Variants in TMEM63B observed in about 807,000 individuals in gnomAD.
TMEM63B encodes the protein mechanosensitive cation channel TMEM63B.
A neutral mutation model predicts 102.6 loss-of-function variants in TMEM63B; 23 were observed. The observed-to-expected ratio is 0.22, with a 90% CI of 0.16 to 0.32. The LOEUF is 0.32. Among genes scored for constraint, TMEM63B ranks in the 10% least tolerant of loss-of-function variants. TMEM63B has a pLI of 1.00. For synonymous variants in TMEM63B, 444 were observed against 437.0 expected (o/e 1.02, Z -0.20); for missense variants, 628 against 1,095.9 (o/e 0.57, Z 6.03).
At chr6:44,130,680 G>C (rs1231040924) in intron 1 of TMEM63B, among the ~76,000 whole-genome samples, 1 of 151,286 alleles carries the variant, frequency 6.6e-6, no homozygotes, top group African/African-American at 2.4e-5. Flanking sequence ...CGAACTCCTG[G>C]GCTGACGTGA....
chr6:44,134,913 T>A, intron 2 of TMEM63B, 104 bp from the exon 3 acceptor site: 6 of 1,507,790 alleles, frequency 4.0e-6, no homozygotes, highest in Non-Finnish European at 5.5e-6. Context: ...CAAGCCAGGG[T>A]CATCCCCTTC....
At chr6:44,138,743 C>CCCCT (rs916985501) in intron 6 of TMEM63B, 7 of 401,116 alleles carry the variant, frequency 1.7e-5, no homozygotes, top group Admixed American at 3.7e-5. Context: ...CCGGCCCCCC[C>CCCCT]GCTTCTCTCC....
intron 12 of TMEM63B, 69 bp downstream of exon 12, chr6:44,147,569 T>G: frequency 6.4e-7 from 1 of 1,573,520 alleles, no homozygotes; most frequent in Non-Finnish European, 8.6e-7. Flanking sequence ...GCTGGGGCCC[T>G]GCCCTCAGTG....
In TMEM63B at chr6:44,135,898, G is replaced by A. The variant is rs528096590; in HGVS notation, c.279-451G>A. ...GGAGTCAGGGAAGAGGGAGGGGAGC[G>A]GAGGGTAGGGTCCCACCCAGGAGAC... is the stretch of plus-strand genomic sequence containing the variant. On this transcript the variant is annotated intron_variant, in intron 4 of 23. Coordinates refer to ENST00000323267, the MANE Select transcript of TMEM63B (RefSeq NM_018426.3). Among the ~76,000 whole-genome samples, 26 of 152,254 alleles carry A rather than the reference G, an allele frequency of 1.7e-4. 1 individual carries two copies. The South Asian group carries it at 3.5e-3, about 21-fold the overall frequency.
At chr6:44,151,751 G>T in intron 18 of TMEM63B, 95 bp from the exon 19 acceptor site, 2 of 1,387,140 alleles carry the variant, frequency 1.4e-6, no homozygotes, top group Non-Finnish European at 2.0e-6. Context: ...GAAGCATGTT[G>T]GTGGTGGAGG....
intron 6 of TMEM63B, chr6:44,138,985 C>T (rs1188607495): frequency 8.1e-6 from 2 of 246,640 alleles, no homozygotes; most frequent in Non-Finnish European, 1.6e-5. Flanking sequence ...ACCCGGGCTT[C>T]ACTACGCCAG....
intron 10 of TMEM63B, among the ~76,000 whole-genome samples, chr6:44,142,653 G>A (rs1764537797): frequency 6.6e-6 from 1 of 152,172 alleles, no homozygotes; most frequent in Admixed American, 6.5e-5. Flanking sequence ...TCAGGAGCTG[G>A]CCAGTGGTCA....
rs1026435842 is a variant in TMEM63B, at chr6:44,134,762, C to G, written c.159+19C>G. 4 of 1,608,326 alleles carry G rather than the reference C, an allele frequency of 2.5e-6. No individual in the cohort carries two copies. The highest frequency in any genetic ancestry group is 3.4e-6 in the Non-Finnish European group (4 of 1,176,496). The stretch of plus-strand genomic sequence containing the variant: ...CTTCCTTGTAAGTGCCTGCTGCCAC[C>G]CCTTACCTTGGCATCCATGCCCTGT... On this transcript the variant is annotated intron_variant, in intron 2 of 23. Transcript: ENST00000323267.
At position 44,135,001 on chromosome 6, in the gene TMEM63B, C is replaced by T. The variant is rs763692829; in HGVS notation, c.160-16C>T. The T allele has an allele frequency of 2.5e-6, 4 of 1,613,992 alleles. No individual in the cohort carries two copies. Among genetic ancestry groups the T allele is most frequent in the Non-Finnish European group, 3.4e-6 (4 of 1,179,966 alleles). Reference sequence around the variant, plus strand: ...AGACAGCCTCTGCACTTGCCAACTGCCCCCTCTTCCCTCAGGCACTGCTGT... The same window carrying T: ...AGACAGCCTCTGCACTTGCCAACTGTCCCCTCTTCCCTCAGGCACTGCTGT... On this transcript the variant is annotated splice_polypyrimidine_tract_variant and intron_variant, in intron 2 of 23. Transcript: ENST00000323267.
chr6:44,140,614 G>C, intron 9 of TMEM63B: 1 of 606,084 alleles, frequency 1.6e-6, no homozygotes, highest in East Asian at 3.0e-5. Flanking sequence ...CCCAGCACTT[G>C]GGAAAATAGC....
At chr6:44,144,556 T>C (rs1203772761) in intron 10 of TMEM63B, among the ~76,000 whole-genome samples, 1 of 152,052 alleles carries the variant, frequency 6.6e-6, no homozygotes, top group Non-Finnish European at 1.5e-5. Flanking sequence ...CAGTAACTCA[T>C]GCATTCAATA....
intron 1 of TMEM63B, among the ~76,000 whole-genome samples, chr6:44,131,252 T>A (rs1012767254): frequency 1.3e-5 from 2 of 152,104 alleles, no homozygotes; most frequent in Non-Finnish European, 2.9e-5. Context: ...TGTGGATATA[T>A]TCTTGCCTTT....
Position 44,155,034 on chromosome 6 carries a change from C to CG in TMEM63B, c.*151_*152insG. 1 of 742,692 alleles carries CG rather than the reference C, an allele frequency of 1.3e-6. No individual in the cohort carries two copies. Among genetic ancestry groups the CG allele is most frequent in the Non-Finnish European group, 1.9e-6 (1 of 513,280 alleles). The allele number at this position is 742,692 out of a possible 1,614,324, so 46.0% of individuals were successfully genotyped here. A position where few individuals can be genotyped will look rare whatever the true frequency, so the allele number is the denominator to read the frequency against. On this transcript the variant is annotated 3_prime_UTR_variant, in exon 24 of 24. Coordinates refer to ENST00000323267, the MANE Select transcript of TMEM63B (RefSeq NM_018426.3). ...ATTTAAACTTGGGGGTTTCACTGCT[C>CG]TCCCCCATGATGGAGGGAGGGAGCC...
In TMEM63B at chr6:44,148,532, G is replaced by A. The variant is rs1355412886; in HGVS notation, c.1141G>A (p.Val381Met). ...ITAIILKDFN[V>M]CKCQGCTCRG... ...TTCTAGCATCCTGAAGGACTTCAAC[G>A]TGTGTAAATGCCAGGGCTGCACCTG... is the stretch of plus-strand genomic sequence containing the variant. The change falls in exon 14 of 24, where the codon GTG becomes ATG. Residue 381 changes from valine to methionine, a missense_variant. Val to Met is a conservative substitution (Grantham distance 21, BLOSUM62 1). This residue lies in a region of TMEM63B where 336 missense variants were observed against 580.3 expected (regional missense o/e 0.58). Coordinates refer to ENST00000323267, the MANE Select transcript of TMEM63B (RefSeq NM_018426.3). The surrounding 1 kb of genome is among the most constrained non-coding windows in gnomAD (Gnocchi z 5.1). The A allele has an allele frequency of 5.6e-6, 9 of 1,614,176 alleles. No individual in the cohort carries two copies. The highest frequency in any genetic ancestry group is 1.7e-5 in the Admixed American group (1 of 60,034).
chr6:44,127,419 C>G (rs1777326604), upstream of TMEM63B: 1 of 152,286 alleles, frequency 6.6e-6, no homozygotes, highest in East Asian at 1.9e-4. Context: ...CGGCCTCTTC[C>G]TAGCGCCTGC....
chr6:44,146,740 C>A lies in TMEM63B; in HGVS notation c.783-107C>A, dbSNP rs1230976275. 5 of 1,159,144 alleles carry A rather than the reference C, an allele frequency of 4.3e-6. No homozygotes were observed. In the Admixed American group the frequency reaches 8.5e-5, roughly 20 times the overall value. 71.8% of individuals were successfully genotyped at this position (1,159,144 alleles called of 1,614,324 possible). On this transcript the variant is annotated intron_variant, in intron 10 of 23. Transcript: ENST00000323267. ...TGCTGGGATTACAGATGTGAGCCAC[C>A]ACGTCCAGCCAGAGATGTGTTTCTT...
intron 10 of TMEM63B, among the ~76,000 whole-genome samples, chr6:44,144,476 A>C (rs1764935082): frequency 6.6e-6 from 1 of 152,186 alleles, no homozygotes; most frequent in African/African-American, 2.4e-5. Context: ...AGTACATCTC[A>C]AGGACCCTAT....
At position 44,155,080 on chromosome 6, in the gene TMEM63B, G is replaced by A. The variant is rs1384500714; in HGVS notation, c.*197G>A. On this transcript the variant is annotated 3_prime_UTR_variant, in exon 24 of 24. Transcript: ENST00000323267. ...GAGCCCCCCAACCTCAGTGAGGAGA[G>A]CCCCGAGCCGGCCCCGGGGCAAAGA... The A allele has an allele frequency of 1.6e-5, 8 of 496,424 alleles. No individual in the cohort carries two copies. The highest frequency in any genetic ancestry group is 1.2e-4 in the Admixed American group (3 of 24,620). The allele number at this position is 496,424 out of a possible 1,614,324, so 30.8% of individuals were successfully genotyped here.
intron 10 of TMEM63B, among the ~76,000 whole-genome samples, chr6:44,142,965 C>T (rs9357432): frequency 0.087 from 13,170 of 152,220 alleles, 833 homozygotes; most frequent in East Asian, 0.25. Flanking sequence ...GAACTGATTG[C>T]GCCACTGTAC....
Sources: gnomAD v4.1 joint callset for allele counts (sites outside exome capture counted in the v4.1 genomes callset) on GRCh38, gnomAD v4.1.1 for gene constraint, gnomAD v4.1.1 regional missense constraint, Gnocchi (gnomAD v3.1) non-coding constraint, MANE v1.5 for transcripts, NCBI Gene and HGNC (gene_info 2026-07-23, HGNC 2026-07-21) for gene names.